IFTAP: variants seen among roughly 807,000 people sequenced by gnomAD.
The protein encoded by IFTAP is intraflagellar transport associated protein.
In IFTAP, 19 loss-of-function variants were observed where a neutral mutation model predicts 19.4. The observed-to-expected ratio is 0.98, with a 90% confidence interval of 0.68 to 1.44. IFTAP has a LOEUF of 1.44. IFTAP is among the 40% of genes most tolerant of loss of function. The probability of loss-of-function intolerance (pLI) is 0.00; values close to 1 mark genes in which losing one functional copy is unlikely to be tolerated. For synonymous variants in IFTAP, 85 were observed against 83.5 expected, an observed-to-expected ratio of 1.02 and a Z score of -0.10; for missense variants, 240 against 253.6, an observed-to-expected ratio of 0.95 and a Z score of 0.36.
chr11:36,654,411 A>T (rs868832528), intron 5 of IFTAP, among the ~76,000 whole-genome samples: 15 of 152,166 alleles, frequency 9.9e-5, no homozygotes, highest in Middle Eastern at 3.4e-3. Flanking sequence ...ACACATGTAT[A>T]CATGTGCCAT....
intron 4 of IFTAP, among the ~76,000 whole-genome samples, chr11:36,636,930 T>G (rs200479167): frequency 0.11 from 17,139 of 151,860 alleles, 1,125 homozygotes; most frequent in African/African-American, 0.17. Flanking sequence ...GAAGTTTTTT[T>G]TTTTTTTTTT....
At chr11:36,625,599 G>T (rs1565017293) in intron 2 of IFTAP, among the ~76,000 whole-genome samples, 1 of 152,164 alleles carries the variant, frequency 6.6e-6, no homozygotes, top group Non-Finnish European at 1.5e-5. Context: ...TACAAATGAT[G>T]CTACATTGCA....
intron 2 of IFTAP, among the ~76,000 whole-genome samples, chr11:36,623,387 AT>A (rs1368454493): frequency 3.3e-5 from 5 of 149,512 alleles, no homozygotes; most frequent in Non-Finnish European, 7.4e-5. Flanking sequence ...AAGAACAATT[AT>A]TTTACTTTAA....
At chr11:36,615,964 A>G (rs962991651) in intron 2 of IFTAP, among the ~76,000 whole-genome samples, 5 of 151,988 alleles carry the variant, frequency 3.3e-5, no homozygotes, top group Non-Finnish European at 7.4e-5. Flanking sequence ...GGATTACCAC[A>G]TGATCCCATT....
intron 2 of IFTAP, among the ~76,000 whole-genome samples, chr11:36,632,853 C>T (rs774499591): frequency 6.6e-6 from 1 of 151,006 alleles, no homozygotes. Context: ...TTTGTTGTGG[C>T]CTTTCTGGCT....
At chr11:36,624,593 C>T (rs1276952121) in intron 2 of IFTAP, among the ~76,000 whole-genome samples, 1 of 152,208 alleles carries the variant, frequency 6.6e-6, no homozygotes, top group Non-Finnish European at 1.5e-5. Flanking sequence ...TAAACTGTTA[C>T]ATGAGAGAGA....
chr11:36,612,213 AC>A (rs1851903482), intron 2 of IFTAP, among the ~76,000 whole-genome samples: 1 of 151,800 alleles, frequency 6.6e-6, no homozygotes, highest in African/African-American at 2.4e-5. Flanking sequence ...TCAGTTTTGG[AC>A]CCCAAATTGA....
chr11:36,605,211 T>G (rs10501159), intron 1 of IFTAP, among the ~76,000 whole-genome samples: 1 of 151,682 alleles, frequency 6.6e-6, no homozygotes, highest in African/African-American at 2.4e-5. Context: ...GAGCAGAAGA[T>G]TACCATTTTG....
intron 3 of IFTAP, among the ~76,000 whole-genome samples, chr11:36,635,685 A>G (rs996745420): frequency 1.3e-5 from 2 of 152,198 alleles, no homozygotes; most frequent in Non-Finnish European, 2.9e-5. Context: ...AGGCAAAAGC[A>G]ATAAAAGGAA....
chr11:36,598,832 A>G (rs1254367517), intron 1 of IFTAP, among the ~76,000 whole-genome samples: 1 of 152,158 alleles, frequency 6.6e-6, no homozygotes, highest in East Asian at 1.9e-4. Context: ...CTTAATCCTT[A>G]AGCCTCTGTT....
At chr11:36,602,832 A>T (rs1231119646) in intron 1 of IFTAP, among the ~76,000 whole-genome samples, 2 of 100,194 alleles carry the variant, frequency 2.0e-5, no homozygotes, top group African/African-American at 4.4e-5. Flanking sequence ...CTAAATGATT[A>T]AAAAAAAAAC....
intron 4 of IFTAP, among the ~76,000 whole-genome samples, chr11:36,638,327 A>G (rs945300447): frequency 1.3e-5 from 2 of 152,218 alleles, no homozygotes; most frequent in Non-Finnish European, 2.9e-5. Context: ...ACATCTTACT[A>G]GTATGATTTT....
intron 2 of IFTAP, 133 bp from the exon 3 acceptor site, chr11:36,633,151 C>T: frequency 1.4e-6 from 1 of 690,766 alleles, no homozygotes; most frequent in Non-Finnish European, 2.2e-6. Flanking sequence ...GTGCTTAATG[C>T]CTCAAGGGTT....
intron 4 of IFTAP, among the ~76,000 whole-genome samples, chr11:36,643,871 A>G (rs558089795): frequency 1.3e-5 from 2 of 152,210 alleles, no homozygotes; most frequent in African/African-American, 2.4e-5. Flanking sequence ...AGACTTAAAT[A>G]TTAGACCTAA....
At chr11:36,657,422 C>G (rs1055505607) in intron 5 of IFTAP, among the ~76,000 whole-genome samples, 1 of 152,102 alleles carries the variant, frequency 6.6e-6, no homozygotes, top group Non-Finnish European at 1.5e-5. Context: ...GGCTGATTTG[C>G]TTTTTGTGTA....
intron 5 of IFTAP, among the ~76,000 whole-genome samples, chr11:36,652,053 A>G (rs981492992): frequency 6.6e-6 from 1 of 152,138 alleles, no homozygotes; most frequent in African/African-American, 2.4e-5. Context: ...TTGGTTCCAT[A>G]TGAACTTTAA....
chr11:36,635,106 G>A (rs7125002), intron 3 of IFTAP, among the ~76,000 whole-genome samples: 23,473 of 152,104 alleles, frequency 0.15, 2,614 homozygotes, highest in African/African-American at 0.31. Flanking sequence ...AAATTCCTAT[G>A]TAATAGCTAT....
At chr11:36,650,459 C>T (rs1238608354) in intron 5 of IFTAP, among the ~76,000 whole-genome samples, 1 of 150,338 alleles carries the variant, frequency 6.7e-6, no homozygotes. Flanking sequence ...TGTGTATGAT[C>T]AAATCAGGGT....
intron 2 of IFTAP, among the ~76,000 whole-genome samples, chr11:36,632,077 AC>A (rs1240211761): frequency 1.3e-5 from 2 of 150,844 alleles, no homozygotes; most frequent in African/African-American, 5.0e-5. Context: ...TCAGATCCCC[AC>A]TCTGCTACTT....
Sources: allele counts gnomAD v4.1 joint callset (sites outside exome capture counted in the v4.1 genomes callset), GRCh38; gene constraint gnomAD v4.1.1; transcripts MANE v1.5; gene names NCBI Gene and HGNC (gene_info 2026-07-23, HGNC 2026-07-21).